Variants in SLC16A12 observed in about 807,000 individuals in gnomAD.
The protein encoded by SLC16A12 is monocarboxylate transporter 12.
In SLC16A12, 17 loss-of-function variants were observed where a neutral mutation model predicts 42.4. That is an observed-to-expected ratio of 0.40 (90% CI 0.27 to 0.60). The LOEUF (loss-of-function observed/expected upper bound fraction) is 0.60. Among genes scored for constraint, SLC16A12 ranks in the 20% least tolerant of loss-of-function variants. The probability of loss-of-function intolerance (pLI) is 0.42; values close to 1 mark genes in which losing one functional copy is unlikely to be tolerated. For missense variants in SLC16A12, 544 were observed against 623.0 expected (o/e 0.87, Z 1.35); for synonymous variants, 224 against 229.4 (o/e 0.98, Z 0.21).
At chr10:89,505,089 G>A (rs1843039391) in intron 2 of SLC16A12, among the ~76,000 whole-genome samples, 2 of 152,084 alleles carry the variant, frequency 1.3e-5, no homozygotes, top group Non-Finnish European at 2.9e-5. Context: ...TGCAGAAAAA[G>A]GAGAAAATGG....
At chr10:89,484,066 C>T (rs1213043219) in intron 2 of SLC16A12, among the ~76,000 whole-genome samples, 4 of 152,152 alleles carry the variant, frequency 2.6e-5, no homozygotes, top group Admixed American at 6.5e-5. Flanking sequence ...ACATGGGTGG[C>T]TCTCTTAAGG....
Position 89,432,916 on chromosome 10 carries a change from C to G in SLC16A12, c.*148G>C, listed in dbSNP as rs552897540. 1.7e-6 allele frequency: 2 copies of G among 1,146,530 alleles called. No individual in the cohort carries two copies. The highest frequency in any genetic ancestry group is 2.8e-5 in the Admixed American group (1 of 35,854). The allele number at this position is 1,146,530 out of a possible 1,614,324, so 71.0% of individuals were successfully genotyped here. ...CTTTCCTTATTATGTGCTGTTTTCC[C>G]TTATAAATATTAATATGTTAACAAA... On this transcript the variant is annotated 3_prime_UTR_variant, in exon 8 of 8. Transcript: ENST00000371790.
chr10:89,438,657 A>T lies in SLC16A12; in HGVS notation c.975T>A (p.Leu325=), dbSNP rs1191033590. 1 of 1,614,028 alleles carries T rather than the reference A, an allele frequency of 6.2e-7. No homozygotes were observed. Among genetic ancestry groups the T allele is most frequent in the South Asian group, 1.1e-5 (1 of 91,068 alleles). Residue 325 remains leucine (L), a synonymous_variant, in exon 6 of 8, where the codon CTT becomes CTA. Coordinates refer to ENST00000371790, the MANE Select transcript of SLC16A12 (RefSeq NM_213606.4). ...TATTGCCAATAATGTCAATCACTCC[A>T]AGTATGGACATAAGAAAAGCAGCTT... ...HQQAAFLMSI[L]GVIDIIGNIT...
At chr10:89,518,255 T>A (rs1292775988) in intron 2 of SLC16A12, among the ~76,000 whole-genome samples, 1 of 152,334 alleles carries the variant, frequency 6.6e-6, no homozygotes, top group Non-Finnish European at 1.5e-5. Flanking sequence ...TAGCTCTCCT[T>A]TCCCAAAAGG....
intron 2 of SLC16A12, among the ~76,000 whole-genome samples, chr10:89,491,598 TACAA>T (rs1842848343): frequency 6.6e-6 from 1 of 151,594 alleles, no homozygotes; most frequent in Non-Finnish European, 1.5e-5. Flanking sequence ...CTTCTCCCAC[TACAA>T]ACAGACAATT....
chr10:89,546,594 A>G (rs1843743772), intron 2 of SLC16A12, among the ~76,000 whole-genome samples: 1 of 152,236 alleles, frequency 6.6e-6, no homozygotes, highest in Non-Finnish European at 1.5e-5. Flanking sequence ...GGGAATGTAA[A>G]TTAGTTCAAC....
At chr10:89,484,263 G>A (rs1842715198) in intron 2 of SLC16A12, among the ~76,000 whole-genome samples, 1 of 152,112 alleles carries the variant, frequency 6.6e-6, no homozygotes, top group Admixed American at 6.6e-5. Context: ...TAATTATTTG[G>A]TGACAAGACC....
intron 3 of SLC16A12, among the ~76,000 whole-genome samples, chr10:89,457,395 C>T (rs1842213260): frequency 6.6e-6 from 1 of 152,144 alleles, no homozygotes; most frequent in African/African-American, 2.4e-5. Context: ...CATCACTGAT[C>T]ATTAGAAAAA....
At chr10:89,533,172 T>TTC (rs1447785486) in intron 2 of SLC16A12, among the ~76,000 whole-genome samples, 16 of 151,922 alleles carry the variant, frequency 1.1e-4, no homozygotes, top group Non-Finnish European at 2.4e-4. Context: ...TTTTTAGTTT[T>TTC]TTTTTTTTCC....
At chr10:89,463,148 C>T (rs118094914) in intron 2 of SLC16A12, 2,380 of 152,752 alleles carry the variant, frequency 0.016, 29 homozygotes, top group Non-Finnish European at 0.024. Flanking sequence ...CTGGACTCTA[C>T]ACATCTCTAC....
rs188617626 is a variant in SLC16A12 at position 89,528,677 on chromosome 10, A to G, written c.-47+5824T>C. 1.4e-3 allele frequency among the ~76,000 whole-genome samples: 218 copies of G among 152,252 alleles called. 1 individual carries two copies. The highest frequency in any genetic ancestry group is 4.9e-3 in the African/African-American group (202 of 41,542). ...ACATGAAATTTTATGTTTCAATAAA[A>G]TTTTTTTCTAAAGAGGCACAAAATT... On this transcript the variant is annotated intron_variant, in intron 2 of 7. Transcript: ENST00000371790.
chr10:89,496,672 G>A (rs1842925996), intron 2 of SLC16A12, among the ~76,000 whole-genome samples: 2 of 152,068 alleles, frequency 1.3e-5, no homozygotes, highest in Non-Finnish European at 2.9e-5. Flanking sequence ...AAATAATTAA[G>A]CTTTAAGGAG....
At position 89,554,046 on chromosome 10, in the gene SLC16A12, AAGAAAGAAAG is replaced by A. The variant is rs1302518163; in HGVS notation, c.-47+1826_-47+1835del. On this transcript the variant is annotated intron_variant, in intron 2 of 2. Transcript: ENST00000475682. ...AAAGAGAGAAAGGAAGAAAGAAAGA[AAGAAAGAAAG>A]AAAGAAAGAAAGAAAGAAAGAAAGA... is the stretch of plus-strand genomic sequence containing the variant. 2.0e-3 allele frequency among the ~76,000 whole-genome samples: 110 copies of A among 55,938 alleles called. 3 individuals carry two copies. Among genetic ancestry groups the A allele is most frequent in the African/African-American group, 7.9e-3 (107 of 13,570 alleles). The allele number at this position is 55,938 out of a possible 152,430, so 36.7% of individuals were successfully genotyped here. A position where few individuals can be genotyped will look rare whatever the true frequency, so the allele number is the denominator to read the frequency against.
At chr10:89,501,820 G>T (rs972854005) in intron 2 of SLC16A12, among the ~76,000 whole-genome samples, 25 of 152,148 alleles carry the variant, frequency 1.6e-4, no homozygotes, top group African/African-American at 6.0e-4. Flanking sequence ...ATTTGAAGTT[G>T]TCTCATTTGC....
chr10:89,533,687 G>A (rs1219403470), intron 2 of SLC16A12, among the ~76,000 whole-genome samples: 2 of 151,810 alleles, frequency 1.3e-5, no homozygotes. Context: ...CTTCTTCTGG[G>A]CATTCACCTG....
chr10:89,504,263 G>A (rs910337052), intron 2 of SLC16A12, among the ~76,000 whole-genome samples: 3 of 152,170 alleles, frequency 2.0e-5, no homozygotes, highest in African/African-American at 7.2e-5. Flanking sequence ...AAAGGTCACT[G>A]ATCATTGCTT....
chr10:89,508,281 T>C (rs1206645481), intron 2 of SLC16A12, among the ~76,000 whole-genome samples: 1 of 152,252 alleles, frequency 6.6e-6, no homozygotes, highest in East Asian at 1.9e-4. Context: ...TACATTCTTC[T>C]CAGCACCACA....
intron 2 of SLC16A12, among the ~76,000 whole-genome samples, chr10:89,555,505 G>GTATATATGTA: frequency 7.2e-6 from 1 of 138,254 alleles, no homozygotes; most frequent in East Asian, 2.1e-4. Flanking sequence ...ACGTATATAC[G>GTATATATGTA]TATATATATG....
chr10:89,497,335 CAAAA>C (rs1301203747), intron 2 of SLC16A12, among the ~76,000 whole-genome samples: 1 of 152,074 alleles, frequency 6.6e-6, no homozygotes, highest in Non-Finnish European at 1.5e-5. Context: ...TATTTATTCT[CAAAA>C]AATACAGGTA....
Sources: allele counts gnomAD v4.1 joint callset (sites outside exome capture counted in the v4.1 genomes callset), GRCh38; gene constraint gnomAD v4.1.1; transcripts MANE v1.5; gene names NCBI Gene and HGNC (gene_info 2026-07-23, HGNC 2026-07-21).